USP28: variants seen among roughly 807,000 people sequenced by gnomAD.
USP28 encodes the protein ubiquitin specific peptidase 28, also known as ubiquitin carboxyl-terminal hydrolase 28.
Under a neutral mutation model 145.0 loss-of-function variants are expected in USP28, and 113 were observed. The ratio of observed to expected loss-of-function variants is 0.78; its 90% CI spans 0.67 to 0.91. The LOEUF is 0.91. Among genes scored for constraint, USP28 ranks in the 40% least tolerant of loss-of-function variants. The probability of loss-of-function intolerance (pLI) is 0.00; values close to 1 mark genes in which losing one functional copy is unlikely to be tolerated. For synonymous variants in USP28, 447 were observed against 450.9 expected (o/e 0.99, Z 0.11); for missense variants, 1,201 against 1,289.6 (o/e 0.93, Z 1.05).
At chr11:113,823,734 T>G in intron 11 of USP28, 34 bp from the exon 12 acceptor site, 1 of 1,501,468 alleles carries the variant, frequency 6.7e-7, no homozygotes, top group Non-Finnish European at 9.1e-7. Flanking sequence ...CAATTTATAT[T>G]ATAAAACATT....
At chr11:113,847,880 G>T (rs1442785074) in intron 3 of USP28, among the ~76,000 whole-genome samples, 2 of 152,174 alleles carry the variant, frequency 1.3e-5, no homozygotes, top group Non-Finnish European at 2.9e-5. Context: ...CACCCCTTCA[G>T]TGTGGACCCC....
At chr11:113,862,592 C>T (rs759725674) in intron 1 of USP28, among the ~76,000 whole-genome samples, 16 of 152,106 alleles carry the variant, frequency 1.1e-4, no homozygotes, top group African/African-American at 2.4e-4. Context: ...ACTGAGTAAA[C>T]GAACTGTGAC....
intron 19 of USP28, among the ~76,000 whole-genome samples, chr11:113,805,251 A>G (rs1939744549): frequency 9.0e-6 from 1 of 110,634 alleles, no homozygotes; most frequent in Non-Finnish European, 1.7e-5. Context: ...CACCAAAAAC[A>G]TACTGTACTT....
intron 1 of USP28, among the ~76,000 whole-genome samples, chr11:113,862,971 T>C (rs1947856796): frequency 6.6e-6 from 1 of 152,062 alleles, no homozygotes; most frequent in African/African-American, 2.4e-5. Context: ...ACCCCTAAAA[T>C]CAGGAACAAG....
intron 2 of USP28, among the ~76,000 whole-genome samples, chr11:113,853,806 G>A (rs544054691): frequency 1.7e-4 from 25 of 149,830 alleles, no homozygotes; most frequent in African/African-American, 5.9e-4. Flanking sequence ...TTGAATGCGG[G>A]AGGGAGAGGC....
chr11:113,826,302 G>GA lies in USP28; in HGVS notation c.1187+930dup, dbSNP rs1555065582. On this transcript the variant is annotated intron_variant, in intron 11 of 24. Coordinates refer to ENST00000003302, the Ensembl canonical transcript of USP28. ...CTTCTCAAAAAAAAAAAAAAAGAAA[G>GA]AAAGAAAAGAAAAGAAAATCAAGCC... Among the ~76,000 whole-genome samples, 259 of 103,504 alleles carry GA rather than the reference G, an allele frequency of 2.5e-3. 3 individuals carry two copies. Among genetic ancestry groups the GA allele is most frequent in the African/African-American group, 8.8e-3 (251 of 28,542 alleles). The allele number at this position is 103,504 out of a possible 152,430, so 67.9% of individuals were successfully genotyped here.
chr11:113,840,780 CA>C (rs756676854), intron 4 of USP28, 23 bp from the exon 5 acceptor site: 1 of 1,592,712 alleles, frequency 6.3e-7, no homozygotes, highest in East Asian at 2.2e-5. Context: ...GCGTGCCACA[CA>C]GCAAAAAAGA....
chr11:113,869,691 G>A (rs570715609), intron 1 of USP28, among the ~76,000 whole-genome samples: 2 of 152,284 alleles, frequency 1.3e-5, no homozygotes, highest in Admixed American at 6.5e-5. Context: ...AAGTGCTTAG[G>A]GTGGTACATA....
At chr11:113,864,815 T>G (rs1232549661) in intron 1 of USP28, among the ~76,000 whole-genome samples, 1 of 152,142 alleles carries the variant, frequency 6.6e-6, no homozygotes, top group Non-Finnish European at 1.5e-5. Flanking sequence ...CATACATACC[T>G]CATGGCCCAG....
intron 5 of USP28, 46 bp from the exon 6 acceptor site, chr11:113,834,381 CT>C: frequency 7.4e-7 from 1 of 1,351,824 alleles, no homozygotes; most frequent in Non-Finnish European, 1.0e-6. Context: ...CTGAAAATAA[CT>C]GCAGCAACAT....
exon 17 of USP28, chr11:113,809,089 G>A (rs762155519): frequency 2.5e-6 from 4 of 1,614,150 alleles, no homozygotes; most frequent in Non-Finnish European, 2.5e-6. Flanking sequence ...GTCCTGTGAT[G>A]AGGAGTTGGT....
chr11:113,867,043 G>T (rs1368934647), intron 1 of USP28, among the ~76,000 whole-genome samples: 2 of 152,126 alleles, frequency 1.3e-5, no homozygotes, highest in Non-Finnish European at 2.9e-5. Flanking sequence ...CACATAATAG[G>T]TCACATATTG....
At chr11:113,864,003 C>T (rs1174260437) in intron 1 of USP28, among the ~76,000 whole-genome samples, 3 of 151,356 alleles carry the variant, frequency 2.0e-5, no homozygotes, top group Non-Finnish European at 4.4e-5. Flanking sequence ...CTTTGGGAAG[C>T]TGAGGCGGAT....
At chr11:113,841,908 C>T (rs1395419817) in intron 3 of USP28, 140 bp from the exon 4 acceptor site, 2 of 475,316 alleles carry the variant, frequency 4.2e-6, no homozygotes, top group Non-Finnish European at 7.3e-6. Context: ...TACCCTACTG[C>T]ATAGTCAAAT....
At chr11:113,825,714 C>G (rs989482449) in intron 11 of USP28, among the ~76,000 whole-genome samples, 2 of 152,116 alleles carry the variant, frequency 1.3e-5, no homozygotes, top group African/African-American at 4.8e-5. Flanking sequence ...AAACATTATC[C>G]TAAAGAAAGG....
rs182153209 is a variant in USP28 at position 113,867,563 on chromosome 11, A to G, written c.57+7882T>C. 3.3e-3 allele frequency among the ~76,000 whole-genome samples: 503 copies of G among 151,254 alleles called. 11 individuals carry two copies. The highest frequency in any genetic ancestry group is 0.025 in the Admixed American group (382 of 15,180). On this transcript the variant is annotated intron_variant, in intron 1 of 24. Coordinates refer to ENST00000003302, the Ensembl canonical transcript of USP28. ...TTTATGTTATATAAATTTTGCCTCA[A>G]TTGAAAAAAAAAAAATCACCTGGGT...
At chr11:113,844,256 T>C (rs756521113) in intron 3 of USP28, among the ~76,000 whole-genome samples, 2 of 151,564 alleles carry the variant, frequency 1.3e-5, no homozygotes, top group African/African-American at 2.4e-5. Flanking sequence ...CTGATAAAAA[T>C]AGTAAAACCC....
chr11:113,856,308 T>C (rs1004165051), intron 1 of USP28, among the ~76,000 whole-genome samples: 4 of 152,224 alleles, frequency 2.6e-5, no homozygotes, highest in Admixed American at 2.0e-4. Flanking sequence ...GGGGAATCAG[T>C]AGTATATTAA....
At chr11:113,810,034 C>CAAAAAAAA (rs368686301) in intron 16 of USP28, among the ~76,000 whole-genome samples, 3 of 68,984 alleles carry the variant, frequency 4.3e-5, no homozygotes, top group African/African-American at 5.7e-5. Flanking sequence ...GACTCCATCT[C>CAAAAAAAA]AAAAAAAAAA....
Sources: allele counts gnomAD v4.1 joint callset (sites outside exome capture counted in the v4.1 genomes callset), GRCh38; gene constraint gnomAD v4.1.1; transcripts MANE v1.5; gene names NCBI Gene and HGNC (gene_info 2026-07-23, HGNC 2026-07-21).